DOCK10: variants seen among roughly 807,000 people sequenced by gnomAD.
DOCK10 encodes dedicator of cytokinesis 10.
A neutral mutation model predicts 280.1 loss-of-function variants in DOCK10; 145 were observed. The ratio of observed to expected loss-of-function variants is 0.52; its 90% CI spans 0.45 to 0.59. The LOEUF is 0.59. Among genes scored for constraint, DOCK10 ranks in the 20% least tolerant of loss-of-function variants. The pLI is 0.00. For synonymous variants in DOCK10, 915 were observed against 942.2 expected, an observed-to-expected ratio of 0.97 and a Z score of 0.53; for missense variants, 2,368 against 2,651.7, an observed-to-expected ratio of 0.89 and a Z score of 2.35.
At chr2:224,976,514 TTATTAA>T (rs1249442799) in intron 1 of DOCK10, among the ~76,000 whole-genome samples, 1 of 152,076 alleles carries the variant, frequency 6.6e-6, no homozygotes, top group African/African-American at 2.4e-5. Flanking sequence ...ATCTGGGCTT[TTATTAA>T]TATTAAGTGA....
intron 2 of DOCK10, among the ~76,000 whole-genome samples, chr2:224,927,591 T>A (rs1280029475): frequency 6.6e-6 from 1 of 152,146 alleles, no homozygotes; most frequent in Non-Finnish European, 1.5e-5. Flanking sequence ...TGAAAAGTAA[T>A]CTTTCTCGTG....
chr2:225,031,417 C>T (rs1017986945), intron 1 of DOCK10, among the ~76,000 whole-genome samples: 1 of 152,186 alleles, frequency 6.6e-6, no homozygotes, highest in Admixed American at 6.5e-5. Context: ...ATGGCCTATA[C>T]CTTGGTATCA....
chr2:225,017,974 C>T (rs1490176632), intron 1 of DOCK10, among the ~76,000 whole-genome samples: 1 of 152,160 alleles, frequency 6.6e-6, no homozygotes, highest in Non-Finnish European at 1.5e-5. Context: ...TTCCCTGCCT[C>T]TCCAAATCAG....
Position 224,795,006 on chromosome 2 carries a change from T to A in DOCK10, c.5027A>T (p.Lys1676Met). ...GAGATCCACCAGCATCTCGGGGTCCTTCTCGTGCTCCTTCATCTGAGCTGT... is the reference window on the plus strand; with the variant it reads ...GAGATCCACCAGCATCTCGGGGTCCATCTCGTGCTCCTTCATCTGAGCTGT... ...MATAQMKEHE[K>M]DPEMLVDLQY... is the part of the protein sequence containing the mutation. The change falls in exon 45 of 56, where the codon AAG becomes ATG. Residue 1676 changes from lysine (K) to methionine (M), a missense_variant. Physicochemically the swap from Lys to Met is moderately conservative, Grantham distance 95. Coordinates refer to ENST00000258390, the MANE Select transcript of DOCK10 (RefSeq NM_014689.3). 1 of 1,613,950 alleles carries A rather than the reference T, an allele frequency of 6.2e-7. No homozygotes were observed. The highest frequency in any genetic ancestry group is 1.1e-5 in the South Asian group (1 of 91,082).
At chr2:224,783,704 A>G (rs903946719) in intron 50 of DOCK10, among the ~76,000 whole-genome samples, 22 of 146,358 alleles carry the variant, frequency 1.5e-4, no homozygotes, top group African/African-American at 3.7e-4. Flanking sequence ...GCTCCCCCCA[A>G]TACTTCCCCA....
intron 50 of DOCK10, chr2:224,784,789 A>T: frequency 7.8e-7 from 1 of 1,288,620 alleles, no homozygotes; most frequent in Non-Finnish European, 1.0e-6. Flanking sequence ...CATCTGCATT[A>T]AAAACTATTT....
At chr2:224,982,681 A>G (rs1430143497) in intron 1 of DOCK10, among the ~76,000 whole-genome samples, 1 of 152,244 alleles carries the variant, frequency 6.6e-6, no homozygotes, top group Non-Finnish European at 1.5e-5. Flanking sequence ...AGAGGTCTGA[A>G]TAAATATGTC....
At chr2:224,825,042 C>T (rs1162772113) in intron 27 of DOCK10, among the ~76,000 whole-genome samples, 4 of 145,626 alleles carry the variant, frequency 2.7e-5, no homozygotes, top group East Asian at 2.0e-4. Flanking sequence ...TGCAGTGGTA[C>T]GATCTCAGAT....
chr2:225,023,328 G>A (rs1272848045), intron 1 of DOCK10, among the ~76,000 whole-genome samples: 2 of 152,014 alleles, frequency 1.3e-5, no homozygotes, highest in Non-Finnish European at 2.9e-5. Context: ...GAGCCACTGC[G>A]CCCAGCCCAA....
At chr2:224,824,917 G>T (rs1295290426) in intron 27 of DOCK10, among the ~76,000 whole-genome samples, 2 of 151,464 alleles carry the variant, frequency 1.3e-5, no homozygotes, top group Non-Finnish European at 2.9e-5. Flanking sequence ...TACAGGAGTT[G>T]TATGAAACAG....
At chr2:224,925,845 T>G (rs918554300) in intron 2 of DOCK10, among the ~76,000 whole-genome samples, 1 of 152,222 alleles carries the variant, frequency 6.6e-6, no homozygotes, top group Non-Finnish European at 1.5e-5. Flanking sequence ...TTTTCTGCTA[T>G]TTTGCATCAG....
At chr2:224,960,730 C>CTTTTTTTTTTTTTTT (rs71281764) in intron 1 of DOCK10, among the ~76,000 whole-genome samples, 1 of 70,254 alleles carries the variant, frequency 1.4e-5, no homozygotes, top group African/African-American at 5.4e-5. Context: ...TCACCAAATT[C>CTTTTTTTTTTTTTTT]TTTTTTTTTT....
At chr2:224,892,244 A>C (rs1373984120) in intron 4 of DOCK10, among the ~76,000 whole-genome samples, 1 of 151,626 alleles carries the variant, frequency 6.6e-6, no homozygotes, top group Non-Finnish European at 1.5e-5. Context: ...TAAAAACACA[A>C]AAAAATTAGC....
At chr2:224,798,095 A>G in intron 41 of DOCK10, 126 bp from the exon 42 acceptor site, 2 of 863,276 alleles carry the variant, frequency 2.3e-6, no homozygotes, top group South Asian at 3.4e-5. Context: ...AAAGGATTGA[A>G]CAAGGAGACA....
At chr2:224,997,184 G>A (rs549051329) in intron 1 of DOCK10, among the ~76,000 whole-genome samples, 2 of 151,448 alleles carry the variant, frequency 1.3e-5, no homozygotes, top group Non-Finnish European at 2.9e-5. Context: ...TTTGGGGTTG[G>A]GGTTTGTCCC....
At chr2:225,009,392 TA>T (rs1157400711) in intron 1 of DOCK10, among the ~76,000 whole-genome samples, 2 of 152,160 alleles carry the variant, frequency 1.3e-5, no homozygotes, top group Non-Finnish European at 2.9e-5. Context: ...GCCGAATTTC[TA>T]AATTAGTAAG....
rs138837580 is a variant in DOCK10 at position 224,774,821 on chromosome 2, C to G, written c.6013+84G>C. The G allele has an allele frequency of 3.1e-6, 4 of 1,288,310 alleles. No homozygotes were observed. In the South Asian group the frequency reaches 5.2e-5, roughly 17 times the overall value. The allele number at this position is 1,288,310 out of a possible 1,614,324, so 79.8% of individuals were successfully genotyped here. ...GTACTTCTCTGCAGGACTGAAATAA[C>G]TCTTGATTCCTACTGATCCAGCCCT... On this transcript the variant is annotated intron_variant, in intron 52 of 55. Transcript: ENST00000258390.
intron 50 of DOCK10, among the ~76,000 whole-genome samples, chr2:224,778,596 A>T (rs760141584): frequency 2.6e-5 from 4 of 152,248 alleles, no homozygotes; most frequent in South Asian, 2.1e-4. Flanking sequence ...TGGGGGAAGA[A>T]TGCCCTCTTG....
chr2:224,789,243 T>C (rs1012973905), intron 47 of DOCK10, 73 bp from the exon 48 acceptor site: 1 of 869,356 alleles, frequency 1.2e-6, no homozygotes, highest in Admixed American at 2.1e-5. Flanking sequence ...ATGCCTTTCT[T>C]CATGATGTTA....
Sources: gnomAD v4.1 joint callset for allele counts (sites outside exome capture counted in the v4.1 genomes callset) on GRCh38, gnomAD v4.1.1 for gene constraint, MANE v1.5 for transcripts, NCBI Gene and HGNC (gene_info 2026-07-23, HGNC 2026-07-21) for gene names.